IFT140: variants seen among roughly 807,000 people sequenced by gnomAD.
The protein encoded by IFT140 is intraflagellar transport 140.
A neutral mutation model predicts 164.6 loss-of-function variants in IFT140; 133 were observed. That is an observed-to-expected ratio of 0.81 (90% CI 0.70 to 0.93). The LOEUF (loss-of-function observed/expected upper bound fraction) is 0.93, where lower values mean the gene tolerates loss of function less well. Ranked by LOEUF, IFT140 falls within the 40% of genes least tolerant of loss-of-function variation. The pLI is 0.00. For missense variants in IFT140, 2,045 were observed against 1,972.3 expected (o/e 1.04, Z -0.70); for synonymous variants, 860 against 817.3 (o/e 1.05, Z -0.89).
Position 1,526,608 on chromosome 16 carries a change from G to T in IFT140, c.2577+11C>A, listed in dbSNP as rs1308893464. 4 of 1,520,524 alleles carry T rather than the reference G, an allele frequency of 2.6e-6. No homozygotes were observed. In the South Asian group the frequency reaches 5.0e-5, roughly 19 times the overall value. 94.2% of individuals were successfully genotyped at this position (1,520,524 alleles called of 1,614,324 possible). A position where few individuals can be genotyped will look rare whatever the true frequency, so the allele number is the denominator to read the frequency against. On this transcript the variant is annotated intron_variant, in intron 20 of 30. Transcript: ENST00000426508. ...TGCCTTCCCACCCACCCCATGGCGG[G>T]CGCCCCTCACCAGCATGCCCAGCTG...
chr16:1,533,934 G>A lies in IFT140; in HGVS notation c.2400-7138C>T. 5.5e-6 allele frequency: 2 copies of A among 360,514 alleles called. No individual in the cohort carries two copies. Among genetic ancestry groups the A allele is most frequent in the African/African-American group, 2.2e-5 (1 of 45,572 alleles). The allele number at this position is 360,514 out of a possible 1,614,324, so 22.3% of individuals were successfully genotyped here. A position where few individuals can be genotyped will look rare whatever the true frequency, so the allele number is the denominator to read the frequency against. On this transcript the variant is annotated intron_variant, in intron 19 of 30. Transcript: ENST00000426508. The surrounding 1 kb of genome is among the most constrained non-coding windows in gnomAD (Gnocchi z 4.7). The stretch of plus-strand genomic sequence containing the variant: ...GTGACTCTGTTTTCCACTGCTGCAG[G>A]CGAGAAGAGGCACGCGCGGCACAGG...
Position 1,557,997 on chromosome 16 carries a change from G to A in IFT140, c.2337C>T (p.Phe779=), listed in dbSNP as rs959152233. The part of the protein sequence containing the change: ...DKATRDAMLH[F]SFFVTIGDMD... ...TGTCTCCTATGGTGACAAAGAAGCT[G>A]AAGTGGAGCATGGCGTCCCGGGTGG... The change falls in exon 19 of 31, where the codon TTC becomes TTT. Residue 779 remains phenylalanine, a synonymous_variant. Coordinates refer to ENST00000426508, the MANE Select transcript of IFT140 (RefSeq NM_014714.4). The A allele has an allele frequency of 3.7e-6, 6 of 1,613,990 alleles. No individual in the cohort carries two copies. Among genetic ancestry groups the A allele is most frequent in the Admixed American group, 1.7e-5 (1 of 60,028 alleles).
intron 4 of IFT140, among the ~76,000 whole-genome samples, chr16:1,597,535 T>C (rs922370428): frequency 2.6e-5 from 4 of 152,166 alleles, no homozygotes; most frequent in Non-Finnish European, 5.9e-5. Flanking sequence ...GGGTCTCTGG[T>C]GGAAGAGCAG....
intron 30 of IFT140, 56 bp downstream of exon 30, chr16:1,518,160 C>T (rs1357155315): frequency 8.2e-6 from 13 of 1,578,322 alleles, no homozygotes; most frequent in Non-Finnish European, 1.1e-5. Flanking sequence ...GTTAAGCCTT[C>T]GTTTCAGGAG....
At position 1,523,871 on chromosome 16, in the gene IFT140, T is replaced by A. The variant is rs2040595309; in HGVS notation, c.3227A>T (p.Glu1076Val). ...CGCCCTGTCCATCTGCACGCCCTTC[T>A]CCTCGTAGTATCGGGCCGCCTCGAT... ...DMIEAARYYE[E>V]KGVQMDRAVM... The change falls in exon 25 of 31, where the codon GAG becomes GTG. Residue 1076 changes from glutamate (E) to valine (V), a missense_variant. Glu to Val is a moderately radical substitution (Grantham distance 121). Transcript: ENST00000426508. 6.2e-7 allele frequency: 1 copy of A among 1,613,508 alleles called. No homozygotes were observed. Among genetic ancestry groups the A allele is most frequent in the Non-Finnish European group, 8.5e-7 (1 of 1,179,994 alleles).
chr16:1,603,402 C>T (rs185502188), intron 3 of IFT140, among the ~76,000 whole-genome samples: 10 of 152,194 alleles, frequency 6.6e-5, no homozygotes, highest in Middle Eastern at 3.4e-3. Flanking sequence ...CCTTCTTTCA[C>T]GCGTCTACAG....
rs942173192 is a variant in IFT140 at position 1,533,592 on chromosome 16, C to T, written c.2400-6796G>A. 1 of 152,342 alleles carries T rather than the reference C, an allele frequency of 6.6e-6. No individual in the cohort carries two copies. The highest frequency in any genetic ancestry group is 2.4e-5 in the African/African-American group (1 of 41,480). The allele number at this position is 152,342 out of a possible 1,614,324, so 9.4% of individuals were successfully genotyped here. On this transcript the variant is annotated intron_variant, in intron 19 of 30. Coordinates refer to ENST00000426508, the MANE Select transcript of IFT140 (RefSeq NM_014714.4). This position sits in a 1 kb window ranked among gnomAD's most constrained non-coding sequence, Gnocchi z 4.7. The stretch of plus-strand genomic sequence containing the variant: ...GGAAGCACATCCTGTTGGTGTCTGG[C>T]TGCCGCGGCAGGGCCGCTATTTGTT...
At chr16:1,520,538 T>C (rs1203897413) in intron 27 of IFT140, 64 bp downstream of exon 27, 4 of 1,485,502 alleles carry the variant, frequency 2.7e-6, no homozygotes, top group Non-Finnish European at 3.6e-6. Flanking sequence ...TGGAGATGCG[T>C]GCAGGGGGCC....
chr16:1,597,779 AG>A (rs2035538450), intron 4 of IFT140, among the ~76,000 whole-genome samples: 2 of 152,152 alleles, frequency 1.3e-5, no homozygotes, highest in African/African-American at 4.8e-5. Flanking sequence ...CTATTTTGCT[AG>A]CTGTTTCTAT....
At chr16:1,527,451 C>G (rs1050186626) in intron 19 of IFT140, among the ~76,000 whole-genome samples, 1 of 152,220 alleles carries the variant, frequency 6.6e-6, no homozygotes, top group African/African-American at 2.4e-5. Flanking sequence ...GCACCTTCCA[C>G]CCCAGCCCTG....
At chr16:1,543,278 A>G (rs1246422892) in intron 19 of IFT140, among the ~76,000 whole-genome samples, 1 of 152,236 alleles carries the variant, frequency 6.6e-6, no homozygotes, top group Non-Finnish European at 1.5e-5. Flanking sequence ...TCCAGAGTGA[A>G]TCATTCTAGG....
chr16:1,530,184 G>A (rs1218339339), intron 19 of IFT140, among the ~76,000 whole-genome samples: 1 of 140,008 alleles, frequency 7.1e-6, no homozygotes, highest in Non-Finnish European at 1.5e-5. Context: ...CTGTCACCAG[G>A]CTGGAGTGTG....
chr16:1,513,729 A>T (rs374351475), intron 30 of IFT140, among the ~76,000 whole-genome samples: 177 of 148,016 alleles, frequency 1.2e-3, no homozygotes, highest in African/African-American at 4.3e-3. Flanking sequence ...GCTGGAGTGC[A>T]GTGGTGCGAT....
chr16:1,524,486 T>G (rs553734001), intron 24 of IFT140, 66 bp downstream of exon 24: 1 of 1,575,460 alleles, frequency 6.3e-7, no homozygotes, highest in Admixed American at 1.8e-5. Context: ...CTGTCCACTT[T>G]TCCACTTGAA....
chr16:1,558,264 A>C, intron 18 of IFT140, 130 bp from the exon 19 acceptor site: 1 of 873,764 alleles, frequency 1.1e-6, no homozygotes, highest in Non-Finnish European at 1.8e-6. Context: ...ATATTTACCA[A>C]CAGGCCCAGT....
chr16:1,535,903 G>A (rs748099816), intron 19 of IFT140, among the ~76,000 whole-genome samples: 20 of 152,250 alleles, frequency 1.3e-4, no homozygotes, highest in Admixed American at 9.2e-4. Flanking sequence ...TGGGAAGCCC[G>A]AGGCTTGGGT....
At chr16:1,512,564 T>TG (rs2040205319) in intron 30 of IFT140, among the ~76,000 whole-genome samples, 1 of 152,176 alleles carries the variant, frequency 6.6e-6, no homozygotes, top group Non-Finnish European at 1.5e-5. Context: ...AATGTGGATT[T>TG]CCTGTTAATT....
chr16:1,530,558 G>C (rs1184767620), intron 19 of IFT140, among the ~76,000 whole-genome samples: 1 of 152,174 alleles, frequency 6.6e-6, no homozygotes, highest in African/African-American at 2.4e-5. Flanking sequence ...CCCTTGTCCT[G>C]AAAACAACTG....
At position 1,589,591 on chromosome 16, in the gene IFT140, C is replaced by T. The variant is rs1284282935; in HGVS notation, c.810+14G>A. 9 of 1,610,242 alleles carry T rather than the reference C, an allele frequency of 5.6e-6. No individual in the cohort carries two copies. Among genetic ancestry groups the T allele is most frequent in the Non-Finnish European group, 7.6e-6 (9 of 1,176,718 alleles). ...AGATCCCCAGCGTGAGCCCCCAAGC[C>T]CACTCCCACTCACCTTCATCACTTC... On this transcript the variant is annotated intron_variant, in intron 7 of 30. Transcript: ENST00000426508.
Sources: gnomAD v4.1 joint callset for allele counts (sites outside exome capture counted in the v4.1 genomes callset) on GRCh38, gnomAD v4.1.1 for gene constraint, Gnocchi (gnomAD v3.1) non-coding constraint, MANE v1.5 for transcripts, NCBI Gene and HGNC (gene_info 2026-07-23, HGNC 2026-07-21) for gene names.